The following TNR variants were observed in gnomAD, a reference collection of about 807,000 sequenced individuals.
The protein encoded by TNR is tenascin-R.
In TNR, 45 loss-of-function variants were observed where a neutral mutation model predicts 150.4. The ratio of observed to expected loss-of-function variants is 0.30; its 90% confidence interval spans 0.24 to 0.38. The LOEUF is 0.38. TNR is among the 10% of genes least tolerant of loss of function. The probability of loss-of-function intolerance (pLI) is 1.00; values close to 1 mark genes in which losing one functional copy is unlikely to be tolerated. For missense variants in TNR, 1,544 were observed against 1,759.1 expected, an observed-to-expected ratio of 0.88 and a Z score of 2.19; for synonymous variants, 687 against 678.4, an observed-to-expected ratio of 1.01 and a Z score of -0.20.
chr1:175,331,058 T>TTTCTTTCTTTCTTTCCTTC lies in TNR; in HGVS notation c.3632-824_3632-823insGAAGGAAAGAAAGAAAGAA, dbSNP rs1553203360. On this transcript the variant is annotated intron_variant, in intron 20 of 22. Transcript: ENST00000367674. ...CTTTCTTTCTTTCTTTCTTTCTTTC[T>TTTCTTTCTTTCTTTCCTTC]TTCTTTCTTTCTTTCTTTCCTTCTT... is the stretch of plus-strand genomic sequence containing the variant. Among the ~76,000 whole-genome samples, 306 of 116,272 alleles carry TTTCTTTCTTTCTTTCCTTC rather than the reference T, an allele frequency of 2.6e-3. 13 individuals carry two copies. Among genetic ancestry groups the TTTCTTTCTTTCTTTCCTTC allele is most frequent in the Middle Eastern group, 4.6e-3 (1 of 218 alleles). 76.3% of individuals were successfully genotyped at this position (116,272 alleles called of 152,430 possible).
In TNR at chr1:175,641,475, A is replaced by C. The variant is rs564605825; in HGVS notation, c.-165+101751T>G. Among the ~76,000 whole-genome samples, 11 of 152,316 alleles carry C rather than the reference A, an allele frequency of 7.2e-5. No homozygotes were observed. In the East Asian group the frequency reaches 2.1e-3, roughly 29 times the overall value. The stretch of plus-strand genomic sequence containing the variant: ...CCTTATAGGGAGGACATAGTAATGT[A>C]AAGATTAATATACTCAATGGCATCT... On this transcript the variant is annotated intron_variant, in intron 1 of 22. Coordinates refer to ENST00000367674, the MANE Select transcript of TNR (RefSeq NM_003285.3).
intron 2 of TNR, among the ~76,000 whole-genome samples, chr1:175,497,982 C>T (rs1557970364): frequency 6.6e-6 from 1 of 152,170 alleles, no homozygotes; most frequent in Non-Finnish European, 1.5e-5. Flanking sequence ...ATCGCTTGAA[C>T]TCAGGAGGTG....
At chr1:175,578,703 G>T (rs1213836514) in intron 1 of TNR, among the ~76,000 whole-genome samples, 2 of 152,206 alleles carry the variant, frequency 1.3e-5, no homozygotes, top group Non-Finnish European at 2.9e-5. Context: ...AGCTGAACTA[G>T]AATTAAAACA....
chr1:175,612,331 T>A (rs1571675119), intron 1 of TNR, among the ~76,000 whole-genome samples: 1 of 152,152 alleles, frequency 6.6e-6, no homozygotes, highest in African/African-American at 2.4e-5. Context: ...ACCCATGTGG[T>A]TTTGCTGGGG....
rs566670121 is a variant in TNR, at chr1:175,491,467, C to T, written c.-64+36802G>A. Among the ~76,000 whole-genome samples, 11 of 122,120 alleles carry T rather than the reference C, an allele frequency of 9.0e-5. No homozygotes were observed. In the East Asian group the frequency reaches 2.1e-3, roughly 24 times the overall value. The allele number at this position is 122,120 out of a possible 152,430, so 80.1% of individuals were successfully genotyped here. A position where few individuals can be genotyped will look rare whatever the true frequency, so the allele number is the denominator to read the frequency against. ...AGCACATGACCTCCTGACTTCTTTA[C>T]CTGCTTACAGGGAGAAAGGCTGAAC... is the stretch of plus-strand genomic sequence containing the variant. On this transcript the variant is annotated intron_variant, in intron 2 of 22. Transcript: ENST00000367674.
intron 21 of TNR, among the ~76,000 whole-genome samples, chr1:175,326,127 T>G (rs1325333201): frequency 6.6e-6 from 1 of 152,122 alleles, no homozygotes; most frequent in Non-Finnish European, 1.5e-5. Context: ...ATTTTTATTC[T>G]GAGGGGCAAA....
intron 2 of TNR, among the ~76,000 whole-genome samples, chr1:175,443,910 T>G (rs1420861256): frequency 1.3e-5 from 2 of 152,194 alleles, no homozygotes; most frequent in African/African-American, 4.8e-5. Context: ...GTTGATTTTT[T>G]GGGGTAGAAG....
chr1:175,509,802 C>A (rs1410782731), intron 2 of TNR, among the ~76,000 whole-genome samples: 1 of 152,198 alleles, frequency 6.6e-6, no homozygotes, highest in African/African-American at 2.4e-5. Flanking sequence ...ATCTCTGGAC[C>A]AGGGACCATC....
chr1:175,473,923 G>C (rs1657410868), intron 2 of TNR, among the ~76,000 whole-genome samples: 1 of 152,112 alleles, frequency 6.6e-6, no homozygotes, highest in South Asian at 2.1e-4. Flanking sequence ...CCGCCTGTAT[G>C]CTTTTATCAC....
At chr1:175,712,985 T>G (rs956748582) in intron 1 of TNR, among the ~76,000 whole-genome samples, 10 of 152,148 alleles carry the variant, frequency 6.6e-5, no homozygotes, top group African/African-American at 2.4e-4. Context: ...GGGAACTGAT[T>G]GAAGGGTGGT....
chr1:175,620,893 T>A (rs1300435349), intron 1 of TNR, among the ~76,000 whole-genome samples: 1 of 152,072 alleles, frequency 6.6e-6, no homozygotes, highest in Non-Finnish European at 1.5e-5. Context: ...TAAGCTCGGT[T>A]GTTCTGTTTA....
intron 1 of TNR, among the ~76,000 whole-genome samples, chr1:175,703,511 T>C (rs1023104143): frequency 1.3e-5 from 2 of 152,234 alleles, no homozygotes; most frequent in African/African-American, 4.8e-5. Flanking sequence ...ATCCTGCATT[T>C]TACAGCTAGG....
At chr1:175,499,200 C>T (rs566640158) in intron 2 of TNR, among the ~76,000 whole-genome samples, 1 of 152,164 alleles carries the variant, frequency 6.6e-6, no homozygotes, top group Admixed American at 6.5e-5. Context: ...AAATATATTG[C>T]TTCAGAGTAG....
At chr1:175,413,610 G>T (rs527255717) in intron 2 of TNR, among the ~76,000 whole-genome samples, 1 of 152,262 alleles carries the variant, frequency 6.6e-6, no homozygotes, top group South Asian at 2.1e-4. Flanking sequence ...TCTCAGATGA[G>T]TCAAAGAGAC....
chr1:175,625,907 C>T (rs1007785098), intron 1 of TNR, among the ~76,000 whole-genome samples: 1 of 152,142 alleles, frequency 6.6e-6, no homozygotes, highest in African/African-American at 2.4e-5. Context: ...GGCTCTGACC[C>T]CACCCAAATC....
At chr1:175,575,095 G>A (rs1662046569) in intron 1 of TNR, among the ~76,000 whole-genome samples, 1 of 152,152 alleles carries the variant, frequency 6.6e-6, no homozygotes, top group Non-Finnish European at 1.5e-5. Flanking sequence ...GGTTTGCTGG[G>A]GCCATGTGGC....
At chr1:175,347,122 G>A (rs1650831682) in intron 18 of TNR, among the ~76,000 whole-genome samples, 1 of 152,022 alleles carries the variant, frequency 6.6e-6, no homozygotes, top group African/African-American at 2.4e-5. Flanking sequence ...ATTCAGGAGA[G>A]ATTTCTCTAA....
intron 2 of TNR, among the ~76,000 whole-genome samples, chr1:175,518,590 T>C (rs2102167035): frequency 6.6e-6 from 1 of 152,324 alleles, no homozygotes; most frequent in South Asian, 2.1e-4. Flanking sequence ...CTAGTTGTCA[T>C]GATGAATGCT....
chr1:175,573,844 G>A (rs1377776813), intron 1 of TNR, among the ~76,000 whole-genome samples: 13 of 152,228 alleles, frequency 8.5e-5, no homozygotes. Context: ...CAATGCTACT[G>A]GATGAGCTCT....
Sources: gnomAD v4.1 joint callset for allele counts (sites outside exome capture counted in the v4.1 genomes callset) on GRCh38, gnomAD v4.1.1 for gene constraint, MANE v1.5 for transcripts, NCBI Gene and HGNC (gene_info 2026-07-23, HGNC 2026-07-21) for gene names.